The following SVEP1 variants were observed in gnomAD, a reference collection of about 807,000 sequenced individuals.
The protein encoded by SVEP1 is sushi, von Willebrand factor type A, EGF and pentraxin domain-containing protein 1.
Under a neutral mutation model 367.3 loss-of-function variants are expected in SVEP1, and 164 were observed. The observed-to-expected ratio is 0.45, with a 90% CI of 0.39 to 0.51. The LOEUF is 0.51. Ranked by LOEUF, SVEP1 falls within the 20% of genes least tolerant of loss-of-function variation. The pLI is 0.00. For synonymous variants in SVEP1, 1,666 were observed against 1,611.6 expected, an observed-to-expected ratio of 1.03 and a Z score of -0.81; for missense variants, 4,117 against 4,425.3, an observed-to-expected ratio of 0.93 and a Z score of 1.98.
chr9:110,558,697 G>A (rs1830386025), intron 1 of SVEP1, among the ~76,000 whole-genome samples: 1 of 151,802 alleles, frequency 6.6e-6, no homozygotes, highest in Non-Finnish European at 1.5e-5. Flanking sequence ...AATAATGAAA[G>A]ACAGAGATCC....
intron 3 of SVEP1, among the ~76,000 whole-genome samples, chr9:110,526,086 C>T (rs888079537): frequency 5.3e-5 from 8 of 151,938 alleles, no homozygotes; most frequent in South Asian, 2.1e-4. Flanking sequence ...TAACACTTTT[C>T]GAAACATAGG....
chr9:110,574,740 C>CTTTTTTTTTTTTTTTTTTTTTTTTTTT (rs1564180524), intron 1 of SVEP1, among the ~76,000 whole-genome samples: 1 of 106,332 alleles, frequency 9.4e-6, no homozygotes, highest in African/African-American at 3.2e-5. Context: ...TCCAGTCGAC[C>CTTTTTTTTTTTTTTTTTTTTTTTTTTT]TTCTTTTTTT....
Position 110,471,500 on chromosome 9 carries a change from T to C in SVEP1, c.2862A>G (p.Lys954=). Residue 954 remains lysine (K), a synonymous_variant, in exon 16 of 48, where the codon AAA becomes AAG. Transcript: ENST00000374469. Reference sequence around the variant, plus strand: ...ACATGGGGTCTTTGTTGAGAGTCCTTTTCAGTTTATTTGTGATAGTTTCCA... The same window carrying C: ...ACATGGGGTCTTTGTTGAGAGTCCTCTTCAGTTTATTTGTGATAGTTTCCA... ...QTLETITNKL[K]RTLNKDPMYS... 1 of 1,613,962 alleles carries C rather than the reference T, an allele frequency of 6.2e-7. No individual in the cohort carries two copies.
In SVEP1 at chr9:110,383,265, G is replaced by A. The variant is rs115174213; in HGVS notation, c.10237+2633C>T. 3.6e-3 allele frequency among the ~76,000 whole-genome samples: 536 copies of A among 149,272 alleles called. 4 individuals carry two copies. The highest frequency in any genetic ancestry group is 0.013 in the African/African-American group (499 of 39,010). ...CTTTTGTGAGGGCTTTTTTGTTGAT[G>A]GCTGTTGTTGTTGTTGCTGCTTTCT... On this transcript the variant is annotated intron_variant, in intron 43 of 47. Transcript: ENST00000374469.
At chr9:110,376,425 TTTCTC>T (rs1827352299) in intron 45 of SVEP1, among the ~76,000 whole-genome samples, 1 of 152,210 alleles carries the variant, frequency 6.6e-6, no homozygotes, top group South Asian at 2.1e-4. Flanking sequence ...AAAAGTGTGA[TTTCTC>T]TTCTTTTTTA....
At chr9:110,513,609 C>T (rs765694863) in intron 4 of SVEP1, among the ~76,000 whole-genome samples, 1 of 152,138 alleles carries the variant, frequency 6.6e-6, no homozygotes, top group Non-Finnish European at 1.5e-5. Flanking sequence ...ATGTGACTAT[C>T]TCCAGAGCCA....
chr9:110,485,766 T>C (rs1829267797), intron 9 of SVEP1, among the ~76,000 whole-genome samples: 1 of 152,188 alleles, frequency 6.6e-6, no homozygotes, highest in East Asian at 1.9e-4. Context: ...AGAAACTTGC[T>C]TGAGGTCAGT....
intron 32 of SVEP1, among the ~76,000 whole-genome samples, chr9:110,431,176 C>G (rs951761394): frequency 1.3e-5 from 2 of 152,128 alleles, no homozygotes; most frequent in African/African-American, 4.8e-5. Context: ...GCTTATTAAA[C>G]TGTTTTCCAT....
intron 36 of SVEP1, 43 bp from the exon 37 acceptor site, chr9:110,411,778 T>C (rs1224990622): frequency 6.9e-7 from 1 of 1,439,500 alleles, no homozygotes; most frequent in South Asian, 1.5e-5. Context: ...AGCATAATAT[T>C]TGAGAAAAAG....
At chr9:110,424,357 A>G (rs77095007) in intron 36 of SVEP1, among the ~76,000 whole-genome samples, 5,827 of 152,084 alleles carry the variant, frequency 0.038, 377 homozygotes, top group African/African-American at 0.13. Flanking sequence ...ATGTAAAAAA[A>G]ATAAGGTTAA....
In SVEP1 at chr9:110,540,448, A is replaced by AAAC. The variant is rs531658097; in HGVS notation, c.964+5664_964+5666dup. 1.4e-4 allele frequency among the ~76,000 whole-genome samples: 21 copies of AAAC among 152,246 alleles called. No homozygotes were observed. The East Asian group carries it at 1.9e-3, about 14-fold the overall frequency. On this transcript the variant is annotated intron_variant, in intron 3 of 47. Coordinates refer to ENST00000374469, the MANE Select transcript of SVEP1 (RefSeq NM_153366.4). ...CAGAGTTATGTAGGGTTTTTTAAAA[A>AAAC]AACAACAACAACAACAGCAAAATAC... is the stretch of plus-strand genomic sequence containing the variant.
rs1210848522 is a variant in SVEP1 at position 110,579,547 on chromosome 9, G to T, written c.-4C>A. 3.8e-6 allele frequency: 6 copies of T among 1,587,814 alleles called. No homozygotes were observed. The highest frequency in any genetic ancestry group is 2.3e-5 in the East Asian group (1 of 42,828). On this transcript the variant is annotated 5_prime_UTR_variant, in exon 1 of 48. Coordinates refer to ENST00000374469, the MANE Select transcript of SVEP1 (RefSeq NM_153366.4). The surrounding 1 kb of genome is among the most constrained non-coding windows in gnomAD (Gnocchi z 5.3). ...AAAAGGCCAGGCGAGGCCACATCGC[G>T]CTGGAGACAGAGCGGCTGCCCCGGA...
In SVEP1 at chr9:110,408,268, C is replaced by G; in HGVS notation, c.7332G>C (p.Glu2444Asp). Residue 2444 changes from glutamate (E) to aspartate (D), a missense_variant, in exon 38 of 48, where the codon GAG becomes GAC. Coordinates refer to ENST00000374469, the MANE Select transcript of SVEP1 (RefSeq NM_153366.4). Reference sequence around the variant, plus strand: ...CATCAATGATTCCATTGGGGATTTCCTCAGGTTGGGGACATTCTACTGGAA... The same window carrying G: ...CATCAATGATTCCATTGGGGATTTCGTCAGGTTGGGGACATTCTACTGGAA... The part of the protein sequence containing the change: ...ECVPVECPQP[E>D]EIPNGIIDVQ... 6.2e-7 allele frequency: 1 copy of G among 1,613,954 alleles called. No individual in the cohort carries two copies. Among genetic ancestry groups the G allele is most frequent in the Non-Finnish European group, 8.5e-7 (1 of 1,179,872 alleles).
intron 26 of SVEP1, among the ~76,000 whole-genome samples, chr9:110,445,228 G>A (rs1005063409): frequency 2.6e-5 from 4 of 152,194 alleles, no homozygotes; most frequent in Non-Finnish European, 4.4e-5. Flanking sequence ...AACGATGGAA[G>A]TCCTGCTCAA....
At position 110,450,203 on chromosome 9, in the gene SVEP1, G is replaced by A. The variant is rs1828671135; in HGVS notation, c.3959C>T (p.Ala1320Val). 1.9e-6 allele frequency: 3 copies of A among 1,613,846 alleles called. No individual in the cohort carries two copies. Among genetic ancestry groups the A allele is most frequent in the East Asian group, 2.2e-5 (1 of 44,874 alleles). The change falls in exon 24 of 48, where the codon GCA becomes GTA. Residue 1320 changes from alanine (A) to valine (V), a missense_variant. By Grantham distance (64) the Ala-to-Val change is moderately conservative. Coordinates refer to ENST00000374469, the MANE Select transcript of SVEP1 (RefSeq NM_153366.4). ...ECQSNPCLNN[A>V]VCEDQVGGFL... ...TCCCCCAACCTGGTCTTCACAGACT[G>A]CATTATTTAAGCATGGGTTTGACTG...
At chr9:110,558,192 A>T (rs904747562) in intron 1 of SVEP1, among the ~76,000 whole-genome samples, 1 of 152,020 alleles carries the variant, frequency 6.6e-6, no homozygotes, top group African/African-American at 2.4e-5. Context: ...AGAGTATGTA[A>T]TTTAATACTA....
intron 41 of SVEP1, 49 bp from the exon 42 acceptor site, chr9:110,387,507 T>A: frequency 6.7e-7 from 1 of 1,490,156 alleles, no homozygotes; most frequent in Admixed American, 2.6e-5. Context: ...CCAATTCCTC[T>A]TTCCTTCTTT....
intron 3 of SVEP1, among the ~76,000 whole-genome samples, chr9:110,516,252 A>G (rs1023381160): frequency 6.6e-6 from 1 of 150,988 alleles, no homozygotes; most frequent in South Asian, 2.1e-4. Flanking sequence ...AAAACATTAC[A>G]ATATACTAAA....
At chr9:110,498,974 C>T in intron 7 of SVEP1, 67 bp downstream of exon 7, 1 of 1,430,726 alleles carries the variant, frequency 7.0e-7, no homozygotes, top group Non-Finnish European at 9.5e-7. Context: ...GAAGGATTGT[C>T]CTATACTGCA....
Sources: gnomAD v4.1 joint callset for allele counts (sites outside exome capture counted in the v4.1 genomes callset) on GRCh38, gnomAD v4.1.1 for gene constraint, Gnocchi (gnomAD v3.1) non-coding constraint, MANE v1.5 for transcripts, NCBI Gene and HGNC (gene_info 2026-07-23, HGNC 2026-07-21) for gene names.